The following TUT4 variants were observed in gnomAD, a reference collection of about 807,000 sequenced individuals.
TUT4 encodes the protein terminal uridylyltransferase 4.
Under a neutral mutation model 192.2 loss-of-function variants are expected in TUT4, and 36 were observed. The observed-to-expected ratio is 0.19, with a 90% CI of 0.14 to 0.25. The LOEUF (loss-of-function observed/expected upper bound fraction) is 0.25. TUT4 is among the 10% of genes least tolerant of loss of function. The pLI, the probability that TUT4 is intolerant of heterozygous loss-of-function variation, is 1.00. For missense variants in TUT4, 1,493 were observed against 1,957.2 expected, an observed-to-expected ratio of 0.76 and a Z score of 4.47; for synonymous variants, 618 against 666.0, an observed-to-expected ratio of 0.93 and a Z score of 1.11.
chr1:52,526,322 T>C lies in TUT4; in HGVS notation c.-42A>G. Reference sequence around the variant, plus strand: ...TCTTTCCAATTGTGATATTATAAAATGGCAGATCTCCAGTAGTTTAAATTG... The same window carrying C: ...TCTTTCCAATTGTGATATTATAAAACGGCAGATCTCCAGTAGTTTAAATTG... On this transcript the variant is annotated 5_prime_UTR_variant, in exon 2 of 30. Coordinates refer to ENST00000257177, the MANE Select transcript of TUT4 (RefSeq NM_001009881.3). The C allele has an allele frequency of 7.0e-7, 1 of 1,433,818 alleles. No homozygotes were observed. Among genetic ancestry groups the C allele is most frequent in the Non-Finnish European group, 9.1e-7 (1 of 1,099,880 alleles). The allele number at this position is 1,433,818 out of a possible 1,614,324, so 88.8% of individuals were successfully genotyped here.
intron 2 of TUT4, among the ~76,000 whole-genome samples, chr1:52,522,662 A>C (rs1359000430): frequency 6.6e-6 from 1 of 152,226 alleles, no homozygotes; most frequent in Non-Finnish European, 1.5e-5. Flanking sequence ...GCAGTGGCTC[A>C]TGCCTGTAAT....
chr1:52,440,423 C>A (rs1655163829), intron 24 of TUT4, among the ~76,000 whole-genome samples: 3 of 149,880 alleles, frequency 2.0e-5, no homozygotes, highest in Admixed American at 1.3e-4. Context: ...AGCCACCATG[C>A]CCATCCTGTG....
chr1:52,464,654 T>C (rs1002453033), intron 16 of TUT4, among the ~76,000 whole-genome samples: 2 of 152,208 alleles, frequency 1.3e-5, no homozygotes, highest in Non-Finnish European at 2.9e-5. Context: ...ATAAATTAGA[T>C]GACCACCTAT....
intron 19 of TUT4, among the ~76,000 whole-genome samples, chr1:52,458,836 C>T (rs537943808): frequency 6.6e-6 from 1 of 152,240 alleles, no homozygotes; most frequent in East Asian, 1.9e-4. Context: ...CAATCCTATT[C>T]TAAGAATGTA....
In TUT4 at chr1:52,526,240, G is replaced by C. The variant is rs1681722840; in HGVS notation, c.41C>G (p.Pro14Arg). 2 of 1,579,590 alleles carry C rather than the reference G, an allele frequency of 1.3e-6. No individual in the cohort carries two copies. The highest frequency in any genetic ancestry group is 1.4e-5 in the African/African-American group (1 of 72,830). The part of the protein sequence containing the change: ...SKTLKSENHE[P>R]KKNVICEESK... Reference sequence around the variant, plus strand: ...TTCTTCACAAATAACATTCTTCTTTGGTTCATGATTTTCACTTTTTAAGGT... The same window carrying C: ...TTCTTCACAAATAACATTCTTCTTTCGTTCATGATTTTCACTTTTTAAGGT... Residue 14 changes from proline to arginine, a missense_variant, in exon 2 of 30, where the codon CCA becomes CGA. This residue lies in a region of TUT4 where 260 missense variants were observed against 247.8 expected (regional missense o/e 1.05). Transcript: ENST00000257177.
chr1:52,511,789 T>C (rs1677226615), intron 3 of TUT4, among the ~76,000 whole-genome samples: 1 of 152,122 alleles, frequency 6.6e-6, no homozygotes, highest in African/African-American at 2.4e-5. Context: ...TTATTCTAAG[T>C]ATGAGGGAAA....
At chr1:52,537,671 G>C (rs995628645) in intron 1 of TUT4, among the ~76,000 whole-genome samples, 1 of 152,188 alleles carries the variant, frequency 6.6e-6, no homozygotes, top group African/African-American at 2.4e-5. Flanking sequence ...TCAGCACTTC[G>C]AGAGGCCAGG....
intron 1 of TUT4, among the ~76,000 whole-genome samples, chr1:52,528,490 C>CA (rs370291946): frequency 0.25 from 22,383 of 89,952 alleles, 2,294 homozygotes; most frequent in African/African-American, 0.39. Context: ...GACCCTGTCT[C>CA]AAAAAAAAAA....
Position 52,438,341 on chromosome 1 carries a change from G to T in TUT4, c.3823-6C>A. ...CTGGAATCAAAGAAGTACTCCTAGGGAGAAAATGCAATTTTACTAGGAGGA... is the reference window on the plus strand; with the variant it reads ...CTGGAATCAAAGAAGTACTCCTAGGTAGAAAATGCAATTTTACTAGGAGGA... On this transcript the variant is annotated splice_polypyrimidine_tract_variant and splice_region_variant and intron_variant, in intron 24 of 29. Transcript: ENST00000257177. The T allele has an allele frequency of 6.3e-7, 1 of 1,593,874 alleles. No homozygotes were observed.
chr1:52,430,628 ACT>A (rs1297550902), intron 28 of TUT4, among the ~76,000 whole-genome samples: 1 of 152,182 alleles, frequency 6.6e-6, no homozygotes, highest in Non-Finnish European at 1.5e-5. Flanking sequence ...AAGTTACTTA[ACT>A]CTTCAATTTC....
At chr1:52,461,664 T>A in intron 17 of TUT4, 48 bp from the exon 18 acceptor site, 1 of 1,553,150 alleles carries the variant, frequency 6.4e-7, no homozygotes, top group Admixed American at 1.9e-5. Context: ...TTTTCATATA[T>A]GCTAAAAAAA....
At chr1:52,437,090 CT>C in intron 25 of TUT4, 112 bp from the exon 26 acceptor site, 1 of 1,424,770 alleles carries the variant, frequency 7.0e-7, no homozygotes, top group Non-Finnish European at 9.3e-7. Context: ...TTTCATGCGT[CT>C]TTTTGAAGGC....
intron 9 of TUT4, among the ~76,000 whole-genome samples, chr1:52,487,401 G>A (rs1011984087): frequency 2.0e-5 from 3 of 152,074 alleles, no homozygotes; most frequent in South Asian, 4.2e-4. Context: ...ACTGTTAGCC[G>A]TGATCGCTCA....
chr1:52,552,689 T>A (rs1689781943), intron 1 of TUT4, among the ~76,000 whole-genome samples: 1 of 151,982 alleles, frequency 6.6e-6, no homozygotes, highest in South Asian at 2.1e-4. Context: ...CCCAATGCCC[T>A]CCTCAGGCCG....
intron 24 of TUT4, among the ~76,000 whole-genome samples, chr1:52,440,328 G>A (rs1282192964): frequency 2.6e-5 from 4 of 151,742 alleles, no homozygotes; most frequent in African/African-American, 4.8e-5. Flanking sequence ...ACAGCATCTC[G>A]CTGTGTTGGC....
chr1:52,509,770 G>C, intron 3 of TUT4, 58 bp from the exon 4 acceptor site: 1 of 953,220 alleles, frequency 1.0e-6, no homozygotes, highest in Admixed American at 1.8e-5. Flanking sequence ...GTAAACTATT[G>C]ACTATATAAG....
chr1:52,430,091 AGAT>A (rs1651563085), intron 28 of TUT4, among the ~76,000 whole-genome samples: 1 of 152,072 alleles, frequency 6.6e-6, no homozygotes, highest in Non-Finnish European at 1.5e-5. Flanking sequence ...CTAGGAATTG[AGAT>A]GATAGATGAT....
chr1:52,517,974 CAA>C (rs1313885148), intron 2 of TUT4, among the ~76,000 whole-genome samples: 1 of 152,072 alleles, frequency 6.6e-6, no homozygotes, highest in Admixed American at 6.6e-5. Flanking sequence ...TGCCTTTCTT[CAA>C]AAGTCAGAAA....
intron 20 of TUT4, among the ~76,000 whole-genome samples, chr1:52,448,193 C>A (rs1252077409): frequency 2.0e-5 from 3 of 152,170 alleles, no homozygotes; most frequent in Non-Finnish European, 4.4e-5. Context: ...CTTCCAGGGA[C>A]TAGGGCTAAT....
Sources: allele counts gnomAD v4.1 joint callset (sites outside exome capture counted in the v4.1 genomes callset), GRCh38; gene constraint gnomAD v4.1.1; regional missense constraint gnomAD v4.1.1; transcripts MANE v1.5; gene names NCBI Gene and HGNC (gene_info 2026-07-23, HGNC 2026-07-21).